The following LRRFIP1 variants were observed in gnomAD, a reference collection of about 807,000 sequenced individuals.
LRRFIP1 encodes leucine-rich repeat flightless-interacting protein 1.
In LRRFIP1, 62 loss-of-function variants were observed where a neutral mutation model predicts 104.4. The observed-to-expected ratio is 0.59, with a 90% CI of 0.48 to 0.73. The LOEUF is 0.73. LRRFIP1 is among the 30% of genes least tolerant of loss of function. The probability of loss-of-function intolerance (pLI) is 0.00; values close to 1 mark genes in which losing one functional copy is unlikely to be tolerated. For missense variants in LRRFIP1, 796 were observed against 824.5 expected (o/e 0.97, Z 0.42); for synonymous variants, 300 against 299.0 (o/e 1.00, Z -0.03).
chr2:237,724,578 GT>G (rs1687004647), intron 7 of LRRFIP1, among the ~76,000 whole-genome samples: 1 of 152,144 alleles, frequency 6.6e-6, no homozygotes, highest in African/African-American at 2.4e-5. Context: ...TCTTCACAGA[GT>G]ATCTGTTACT....
At chr2:237,741,881 A>G (rs2057137154) in intron 11 of LRRFIP1, among the ~76,000 whole-genome samples, 1 of 152,208 alleles carries the variant, frequency 6.6e-6, no homozygotes, top group South Asian at 2.1e-4. Context: ...AGTATTTACA[A>G]TTGACAGAAG....
chr2:237,709,583 T>G (rs1034896659), intron 2 of LRRFIP1, among the ~76,000 whole-genome samples: 1 of 152,200 alleles, frequency 6.6e-6, no homozygotes, highest in Non-Finnish European at 1.5e-5. Flanking sequence ...TCTCTTATGG[T>G]GGTTGTAGAT....
chr2:237,719,572 G>A lies in LRRFIP1; in HGVS notation c.294+5G>A, dbSNP rs1053891434. On this transcript the variant is annotated splice_donor_5th_base_variant and intron_variant, in intron 5 of 23. Transcript: ENST00000308482. ...AGATCCAGAAGAAACACATCGGTTA[G>A]TACCGTGTTCATTCATTACTTGGGC... The A allele has an allele frequency of 1.2e-6, 2 of 1,610,516 alleles. No individual in the cohort carries two copies. Among genetic ancestry groups the A allele is most frequent in the Non-Finnish European group, 1.7e-6 (2 of 1,177,442 alleles).
At chr2:237,713,094 G>A (rs1453103211) in intron 2 of LRRFIP1, among the ~76,000 whole-genome samples, 1 of 152,032 alleles carries the variant, frequency 6.6e-6, no homozygotes, top group East Asian at 1.9e-4. Context: ...ACACCGAGAA[G>A]GGCAGGAAGC....
intron 16 of LRRFIP1, among the ~76,000 whole-genome samples, chr2:237,756,870 T>C (rs2059326552): frequency 6.6e-6 from 1 of 152,174 alleles, no homozygotes; most frequent in African/African-American, 2.4e-5. Flanking sequence ...GAAGGGATTA[T>C]CCTGGATTAT....
chr2:237,663,874 G>C (rs781556170), intron 1 of LRRFIP1, among the ~76,000 whole-genome samples: 53 of 152,196 alleles, frequency 3.5e-4, no homozygotes, highest in Non-Finnish European at 7.3e-4. Context: ...AGGGGAGAGG[G>C]GAGCCGTCAG....
intron 4 of LRRFIP1, among the ~76,000 whole-genome samples, chr2:237,718,114 C>G (rs1198295137): frequency 6.6e-6 from 1 of 152,228 alleles, no homozygotes; most frequent in Non-Finnish European, 1.5e-5. Flanking sequence ...CTGATCTCCT[C>G]GAGCACAGGG....
intron 11 of LRRFIP1, among the ~76,000 whole-genome samples, chr2:237,745,170 C>T (rs1012326425): frequency 1.3e-5 from 2 of 152,238 alleles, no homozygotes; most frequent in Non-Finnish European, 2.9e-5. Flanking sequence ...CCGGGCCCGG[C>T]CCCTGCAGCT....
intron 11 of LRRFIP1, among the ~76,000 whole-genome samples, chr2:237,742,197 G>T (rs185027683): frequency 3.3e-5 from 5 of 152,340 alleles, no homozygotes; most frequent in Non-Finnish European, 1.5e-5. Context: ...AAAGATGTGA[G>T]TTCAGCCTTC....
chr2:237,662,814 G>T (rs973260483), intron 1 of LRRFIP1, among the ~76,000 whole-genome samples: 1 of 152,106 alleles, frequency 6.6e-6, no homozygotes. Context: ...AAACAGGCCC[G>T]GTGGGGAAAG....
At chr2:237,763,394 G>A in intron 19 of LRRFIP1, 1 of 1,614,016 alleles carries the variant, frequency 6.2e-7, no homozygotes, top group Non-Finnish European at 8.5e-7. Flanking sequence ...ACAGGGAGAG[G>A]CATTGGACTC....
chr2:237,723,264 A>G (rs3820813), intron 6 of LRRFIP1, among the ~76,000 whole-genome samples: 26,406 of 152,152 alleles, frequency 0.17, 2,938 homozygotes, highest in East Asian at 0.32. Context: ...ACTAAAATGG[A>G]TTATGTAGAA....
intron 8 of LRRFIP1, among the ~76,000 whole-genome samples, chr2:237,728,682 AT>A (rs1342077730): frequency 4.0e-5 from 6 of 151,888 alleles, no homozygotes; most frequent in African/African-American, 7.3e-5. Context: ...CTCATGCTTC[AT>A]TTTTTTCTTT....
chr2:237,635,212 G>A (rs1328779477), intron 1 of LRRFIP1, among the ~76,000 whole-genome samples: 1 of 152,168 alleles, frequency 6.6e-6, no homozygotes, highest in East Asian at 1.9e-4. Flanking sequence ...TTGATACTTT[G>A]GTTGTGTATA....
At chr2:237,757,338 T>C (rs2059375947) in intron 16 of LRRFIP1, 118 bp from the exon 17 acceptor site, 2 of 642,988 alleles carry the variant, frequency 3.1e-6, no homozygotes, top group South Asian at 4.0e-5. Flanking sequence ...TCAGGGTTGA[T>C]GAGGTGAAAG....
intron 1 of LRRFIP1, among the ~76,000 whole-genome samples, chr2:237,700,821 G>A (rs966222946): frequency 2.6e-5 from 4 of 152,150 alleles, no homozygotes; most frequent in Non-Finnish European, 4.4e-5. Flanking sequence ...GGTGGGAGCC[G>A]CCTCTGGTTC....
rs978004020 is a variant in LRRFIP1, at chr2:237,749,256, T to A, written c.727T>A (p.Ser243Thr). The A allele has an allele frequency of 1.9e-6, 3 of 1,613,818 alleles. No individual in the cohort carries two copies. The highest frequency in any genetic ancestry group is 2.5e-6 in the Non-Finnish European group (3 of 1,180,006). ...AATLASLGGT[S>T]SRRGSGDTSI... ...CACGCTGGCCTCTCTGGGTGGGACT[T>A]CCTCTCGGAGAGGCAGCGGAGACAC... Residue 243 changes from serine to threonine, a missense_variant, in exon 13 of 24, where the codon TCC becomes ACC. Ser to Thr is a moderately conservative substitution (Grantham distance 58, BLOSUM62 1). Coordinates refer to ENST00000308482, the MANE Select transcript of LRRFIP1 (RefSeq NM_001137550.2).
intron 11 of LRRFIP1, among the ~76,000 whole-genome samples, chr2:237,747,584 G>A (rs563162280): frequency 2.0e-5 from 3 of 152,284 alleles, no homozygotes; most frequent in Non-Finnish European, 2.9e-5. Context: ...TTATCTCTGT[G>A]TGAGCTCACA....
rs762793103 is a variant in LRRFIP1, at chr2:237,717,839, T to G, written c.249+30T>G. 5.8e-6 allele frequency: 9 copies of G among 1,549,418 alleles called. No individual in the cohort carries two copies. The highest frequency in any genetic ancestry group is 8.0e-6 in the Non-Finnish European group (9 of 1,121,186). ...GCCTTGAATATAATTTTGTTTTTAC[T>G]CTTCCCTCCCCACTTGAATACAGTG... On this transcript the variant is annotated intron_variant, in intron 4 of 23. Coordinates refer to ENST00000308482, the MANE Select transcript of LRRFIP1 (RefSeq NM_001137550.2). This position sits in a 1 kb window ranked among gnomAD's most constrained non-coding sequence, Gnocchi z 4.2.
Sources: gnomAD v4.1 joint callset for allele counts (sites outside exome capture counted in the v4.1 genomes callset) on GRCh38, gnomAD v4.1.1 for gene constraint, Gnocchi (gnomAD v3.1) non-coding constraint, MANE v1.5 for transcripts, NCBI Gene and HGNC (gene_info 2026-07-23, HGNC 2026-07-21) for gene names.